The following PPM1D variants were observed in gnomAD, a reference collection of about 807,000 sequenced individuals.
The protein encoded by PPM1D is protein phosphatase, Mg2+/Mn2+ dependent 1D.
Under a neutral mutation model 58.3 loss-of-function variants are expected in PPM1D, and 52 were observed. The ratio of observed to expected loss-of-function variants is 0.89; its 90% CI spans 0.71 to 1.12. The LOEUF (loss-of-function observed/expected upper bound fraction) is 1.12. Among genes scored for constraint, PPM1D ranks in the 50% most tolerant of loss-of-function variants. PPM1D has a pLI of 0.00. For missense variants in PPM1D, 564 were observed against 777.2 expected, an observed-to-expected ratio of 0.73 and a Z score of 3.26; for synonymous variants, 278 against 285.1, an observed-to-expected ratio of 0.98 and a Z score of 0.25.
At chr17:60,635,844 T>A (rs2031013487) in intron 3 of PPM1D, among the ~76,000 whole-genome samples, 1 of 152,236 alleles carries the variant, frequency 6.6e-6, no homozygotes, top group Admixed American at 6.5e-5. Flanking sequence ...TATCTATTGC[T>A]GTGTAATCAA....
intron 1 of PPM1D, among the ~76,000 whole-genome samples, chr17:60,620,525 G>T (rs553866896): frequency 1.0e-3 from 157 of 151,498 alleles, no homozygotes; most frequent in Middle Eastern, 3.4e-3. Flanking sequence ...TGTTTTTTTT[G>T]TTTGTTTGTT....
At chr17:60,636,540 A>C (rs958254405) in intron 3 of PPM1D, among the ~76,000 whole-genome samples, 4 of 152,158 alleles carry the variant, frequency 2.6e-5, no homozygotes, top group African/African-American at 9.7e-5. Context: ...GGGCCTGTAT[A>C]ATAATTCTAA....
chr17:60,611,807 A>T (rs1447264982), intron 1 of PPM1D, among the ~76,000 whole-genome samples: 1 of 152,138 alleles, frequency 6.6e-6, no homozygotes, highest in Non-Finnish European at 1.5e-5. Context: ...TCACTTCGTG[A>T]TGTTTATTAA....
intron 3 of PPM1D, among the ~76,000 whole-genome samples, chr17:60,641,419 A>G (rs1468707348): frequency 2.0e-5 from 3 of 152,132 alleles, no homozygotes; most frequent in Non-Finnish European, 4.4e-5. Context: ...CCTTTTGCCC[A>G]CTTTCTAATG....
intron 1 of PPM1D, among the ~76,000 whole-genome samples, chr17:60,602,426 T>A (rs976134056): frequency 7.8e-6 from 1 of 128,318 alleles, no homozygotes; most frequent in Non-Finnish European, 1.5e-5. Flanking sequence ...TAGTATTAAA[T>A]TTTTTTTTTT....
Position 60,663,139 on chromosome 17 carries a change from A to G in PPM1D, c.1405A>G (p.Lys469Glu), listed in dbSNP as rs61756416. The change falls in exon 6 of 6, where the codon AAA becomes GAA. Residue 469 changes from lysine to glutamate, a missense_variant. Transcript: ENST00000305921. ...TGTCCAAGGTGTAGTCATACCCTCA[A>G]AAGATCCAGAACCACTTGAAGAAAA... is the stretch of plus-strand genomic sequence containing the variant. ...ENVQGVVIPS[K>E]DPEPLEENCA... The G allele has an allele frequency of 6.8e-4, 1,094 of 1,614,040 alleles. 1 individual carries two copies. The highest frequency in any genetic ancestry group is 1.8e-3 in the Middle Eastern group (11 of 6,084).
At chr17:60,658,932 C>T (rs781157245) in intron 5 of PPM1D, among the ~76,000 whole-genome samples, 1 of 152,138 alleles carries the variant, frequency 6.6e-6, no homozygotes, top group African/African-American at 2.4e-5. Context: ...AGCACTCCAG[C>T]CTGCTGACAG....
intron 3 of PPM1D, among the ~76,000 whole-genome samples, chr17:60,642,986 T>C (rs1598409398): frequency 6.9e-6 from 1 of 145,832 alleles, no homozygotes; most frequent in African/African-American, 2.6e-5. Flanking sequence ...GAGAATGGCG[T>C]GAACCCAGGA....
intron 1 of PPM1D, among the ~76,000 whole-genome samples, chr17:60,614,207 C>G (rs1257087553): frequency 6.6e-6 from 1 of 152,170 alleles, no homozygotes; most frequent in Non-Finnish European, 1.5e-5. Flanking sequence ...CCAGTCAGCA[C>G]CCTGTGTCTA....
In PPM1D at chr17:60,623,582, CATCATT is replaced by C. The variant is rs2030747807; in HGVS notation, c.535_540del (p.Ile179_Ile180del). The C allele has an allele frequency of 6.2e-7, 1 of 1,614,022 alleles. No individual in the cohort carries two copies. The highest frequency in any genetic ancestry group is 8.5e-7 in the Non-Finnish European group (1 of 1,180,048). ...CATCAGGGACAACTGCCAGTGTGGT[CATCATT>C]CGGGGCATGAAGATGTATGTAGCTC... is the stretch of plus-strand genomic sequence containing the variant. On this transcript the variant is annotated inframe_deletion, in exon 2 of 6. Coordinates refer to ENST00000305921, the MANE Select transcript of PPM1D (RefSeq NM_003620.4).
intron 1 of PPM1D, among the ~76,000 whole-genome samples, chr17:60,610,617 A>C (rs900143370): frequency 2.0e-5 from 3 of 152,220 alleles, no homozygotes; most frequent in African/African-American, 4.8e-5. Context: ...TTGTAGATAA[A>C]ATTTTTTTTA....
intron 2 of PPM1D, among the ~76,000 whole-genome samples, chr17:60,626,720 A>G (rs745495054): frequency 3.3e-5 from 5 of 151,904 alleles, no homozygotes; most frequent in African/African-American, 4.8e-5. Flanking sequence ...AAAAAATTTT[A>G]AGAAATAGAA....
intron 2 of PPM1D, among the ~76,000 whole-genome samples, chr17:60,630,043 AAAAAT>A (rs1238856148): frequency 6.7e-5 from 10 of 150,314 alleles, no homozygotes; most frequent in Non-Finnish European, 1.0e-4. Flanking sequence ...CTGTCTCAAA[AAAAAT>A]AAAATAAAAT....
intron 2 of PPM1D, among the ~76,000 whole-genome samples, chr17:60,624,305 A>G (rs1220948935): frequency 6.6e-6 from 1 of 152,228 alleles, no homozygotes; most frequent in Non-Finnish European, 1.5e-5. Context: ...GAATAACATG[A>G]AAAAATTTAA....
At chr17:60,621,427 C>T (rs908003525) in intron 1 of PPM1D, among the ~76,000 whole-genome samples, 6 of 151,948 alleles carry the variant, frequency 3.9e-5, no homozygotes, top group Admixed American at 6.6e-5. Context: ...CAGGATCTCA[C>T]TCTGTTGGCC....
chr17:60,656,414 C>G (rs1200684576), intron 4 of PPM1D, among the ~76,000 whole-genome samples, 185 bp from the exon 5 acceptor site: 1 of 148,388 alleles, frequency 6.7e-6, no homozygotes, highest in African/African-American at 2.5e-5. Context: ...GATTGCATCT[C>G]TGCACTTCAG....
In PPM1D at chr17:60,606,905, T is replaced by C. The variant is rs1042432456; in HGVS notation, c.472+6019T>C. Among the ~76,000 whole-genome samples the C allele has an allele frequency of 5.9e-5, 9 of 152,030 alleles. No individual in the cohort carries two copies. In the East Asian group the frequency reaches 1.7e-3, roughly 29 times the overall value. On this transcript the variant is annotated intron_variant, in intron 1 of 5. Coordinates refer to ENST00000305921, the MANE Select transcript of PPM1D (RefSeq NM_003620.4). ...TTGACTTCCTTGGCTCAAGGGATCCTCCTGCCTCAGCCTCTGAAGTAGCTG... is the reference window on the plus strand; with the variant it reads ...TTGACTTCCTTGGCTCAAGGGATCCCCCTGCCTCAGCCTCTGAAGTAGCTG...
intron 1 of PPM1D, among the ~76,000 whole-genome samples, chr17:60,616,987 G>A (rs906494248): frequency 1.1e-4 from 16 of 151,678 alleles, no homozygotes; most frequent in African/African-American, 3.6e-4. Context: ...TTGCTCTGTC[G>A]CCCAGGCTGG....
rs189189564 is a variant in PPM1D at position 60,612,152 on chromosome 17, A to G, written c.472+11266A>G. Among the ~76,000 whole-genome samples the G allele has an allele frequency of 5.9e-4, 90 of 152,308 alleles. 1 individual carries two copies. Among genetic ancestry groups the G allele is most frequent in the Non-Finnish European group, 1.0e-3 (71 of 68,022 alleles). On this transcript the variant is annotated intron_variant, in intron 1 of 5. Coordinates refer to ENST00000305921, the MANE Select transcript of PPM1D (RefSeq NM_003620.4). Reference sequence around the variant, plus strand: ...TATGCGCATGTCAAGCCATCATCACATTCAAAGCAATAAACATCTATCACG... The same window carrying G: ...TATGCGCATGTCAAGCCATCATCACGTTCAAAGCAATAAACATCTATCACG...
Sources: gnomAD v4.1 joint callset for allele counts (sites outside exome capture counted in the v4.1 genomes callset) on GRCh38, gnomAD v4.1.1 for gene constraint, MANE v1.5 for transcripts, NCBI Gene and HGNC (gene_info 2026-07-23, HGNC 2026-07-21) for gene names.